DPP6: variants seen among roughly 807,000 people sequenced by gnomAD.
The protein encoded by DPP6 is dipeptidyl peptidase like 6, also known as A-type potassium channel modulatory protein DPP6.
Under a neutral mutation model 122.6 loss-of-function variants are expected in DPP6, and 69 were observed. That is an observed-to-expected ratio of 0.56 (90% CI 0.46 to 0.69). The LOEUF (loss-of-function observed/expected upper bound fraction) is 0.69. DPP6 is among the 30% of genes least tolerant of loss of function. The pLI, the probability that DPP6 is intolerant of heterozygous loss-of-function variation, is 0.00. For missense variants in DPP6, 928 were observed against 1,116.9 expected, an observed-to-expected ratio of 0.83 and a Z score of 2.41; for synonymous variants, 418 against 433.1, an observed-to-expected ratio of 0.97 and a Z score of 0.43.
At chr7:154,062,296 C>CA (rs1191426306) in intron 1 of DPP6, among the ~76,000 whole-genome samples, 2 of 82,084 alleles carry the variant, frequency 2.4e-5, no homozygotes, top group Non-Finnish European at 4.9e-5. Context: ...CCCTCTTCCC[C>CA]CCCGGCTCTG....
At chr7:154,360,841 TG>T in intron 1 of DPP6, among the ~76,000 whole-genome samples, 1 of 152,364 alleles carries the variant, frequency 6.6e-6, no homozygotes, top group South Asian at 2.1e-4. Flanking sequence ...TGGCCTGCTC[TG>T]GCCCTGCCTT....
chr7:154,126,987 T>A (rs1807939790), intron 1 of DPP6, among the ~76,000 whole-genome samples: 1 of 152,188 alleles, frequency 6.6e-6, no homozygotes, highest in Non-Finnish European at 1.5e-5. Context: ...CCCTTCCAGC[T>A]CCTTGGGGGA....
chr7:154,278,516 T>A (rs888821861), intron 1 of DPP6, among the ~76,000 whole-genome samples: 2 of 152,228 alleles, frequency 1.3e-5, no homozygotes, highest in Non-Finnish European at 2.9e-5. Context: ...TATCATGAAT[T>A]GAGCATGTGG....
At chr7:153,924,361 C>A (rs756375075) in intron 1 of DPP6, among the ~76,000 whole-genome samples, 1 of 152,146 alleles carries the variant, frequency 6.6e-6, no homozygotes, top group South Asian at 2.1e-4. Context: ...CCTGCCTCAG[C>A]CTCCCCAAAG....
intron 16 of DPP6, among the ~76,000 whole-genome samples, chr7:154,847,537 T>G (rs1350319631): frequency 6.6e-6 from 1 of 152,222 alleles, no homozygotes; most frequent in African/African-American, 2.4e-5. Flanking sequence ...CTTTCATTTT[T>G]ATTCATCATT....
chr7:154,079,279 G>C (rs1212547582), intron 1 of DPP6, among the ~76,000 whole-genome samples: 1 of 152,172 alleles, frequency 6.6e-6, no homozygotes, highest in African/African-American at 2.4e-5. Context: ...GAGGGTAGAT[G>C]CCCTTAGACT....
intron 16 of DPP6, among the ~76,000 whole-genome samples, chr7:154,827,041 G>C (rs1800209172): frequency 6.6e-6 from 1 of 152,000 alleles, no homozygotes; most frequent in African/African-American, 2.4e-5. Flanking sequence ...TATCATAGTA[G>C]ACATCATCTC....
intron 7 of DPP6, among the ~76,000 whole-genome samples, chr7:154,722,530 A>G (rs1482588102): frequency 6.6e-6 from 1 of 152,258 alleles, no homozygotes; most frequent in African/African-American, 2.4e-5. Flanking sequence ...AAGTAAGCAG[A>G]AAGTTATTTC....
chr7:153,895,469 C>A (rs1799368601), intron 1 of DPP6, among the ~76,000 whole-genome samples: 1 of 152,338 alleles, frequency 6.6e-6, no homozygotes, highest in African/African-American at 2.4e-5. Flanking sequence ...TTAGGACATG[C>A]TTTAGAAGTC....
intron 3 of DPP6, among the ~76,000 whole-genome samples, chr7:154,487,351 C>A (rs1199480306): frequency 6.6e-6 from 1 of 152,144 alleles, no homozygotes; most frequent in Non-Finnish European, 1.5e-5. Flanking sequence ...AAGACCCCGC[C>A]GTACTCAGCC....
chr7:154,781,971 A>C (rs760158545), intron 10 of DPP6, among the ~76,000 whole-genome samples: 1 of 152,260 alleles, frequency 6.6e-6, no homozygotes, highest in Non-Finnish European at 1.5e-5. Flanking sequence ...GCTTCTCACC[A>C]GGAAGAGTCA....
intron 1 of DPP6, among the ~76,000 whole-genome samples, chr7:154,007,451 C>T (rs2533543): frequency 4.0e-4 from 60 of 151,588 alleles, no homozygotes; most frequent in African/African-American, 1.3e-3. Flanking sequence ...AACTCAGGTA[C>T]CTACATTTTA....
chr7:154,365,719 C>T (rs531359139), intron 1 of DPP6, among the ~76,000 whole-genome samples: 243 of 151,662 alleles, frequency 1.6e-3, no homozygotes, highest in Non-Finnish European at 2.9e-3. Context: ...TTTGGGAGGC[C>T]GAGGCGGGCG....
chr7:154,823,488 T>C (rs1026785629), intron 16 of DPP6, among the ~76,000 whole-genome samples: 5 of 152,250 alleles, frequency 3.3e-5, no homozygotes, highest in African/African-American at 9.6e-5. Context: ...ACTTTATATG[T>C]GTCTTCTCTA....
intron 1 of DPP6, among the ~76,000 whole-genome samples, chr7:154,274,434 A>G (rs1425440804): frequency 6.6e-6 from 1 of 152,188 alleles, no homozygotes; most frequent in Non-Finnish European, 1.5e-5. Flanking sequence ...ACATAAAGTC[A>G]GCTGATTCTA....
chr7:154,122,077 A>C (rs1318372476), intron 1 of DPP6, among the ~76,000 whole-genome samples: 1 of 152,250 alleles, frequency 6.6e-6, no homozygotes, highest in Non-Finnish European at 1.5e-5. Context: ...AGAAATTTGC[A>C]TGTAAAGCTA....
At chr7:153,950,032 A>G (rs1197244818) in intron 1 of DPP6, among the ~76,000 whole-genome samples, 1 of 152,150 alleles carries the variant, frequency 6.6e-6, no homozygotes, top group Non-Finnish European at 1.5e-5. Context: ...TAAGAAAGAA[A>G]GGAAACATAT....
At chr7:154,773,065 C>T (rs770038580) in intron 10 of DPP6, 123 bp downstream of exon 10, 167 of 1,278,626 alleles carry the variant, frequency 1.3e-4, no homozygotes, top group Non-Finnish European at 1.6e-4. Flanking sequence ...AAAAAGGTAC[C>T]TTTCCTAAAG....
chr7:154,338,993 T>C lies in DPP6; in HGVS notation c.244-107221T>C, dbSNP rs575654723. 1.0e-3 allele frequency among the ~76,000 whole-genome samples: 154 copies of C among 152,300 alleles called. 1 individual carries two copies. The highest frequency in any genetic ancestry group is 1.7e-3 in the Admixed American group (26 of 15,302). On this transcript the variant is annotated intron_variant, in intron 1 of 25. Transcript: ENST00000377770. ...TCTGTCTCCCCGAGGTTATTCAGCATCTAACGTTGCTATTTAATCTCCAGA... is the reference window on the plus strand; with the variant it reads ...TCTGTCTCCCCGAGGTTATTCAGCACCTAACGTTGCTATTTAATCTCCAGA...
Sources: gnomAD v4.1 joint callset for allele counts (sites outside exome capture counted in the v4.1 genomes callset) on GRCh38, gnomAD v4.1.1 for gene constraint, MANE v1.5 for transcripts, NCBI Gene and HGNC (gene_info 2026-07-23, HGNC 2026-07-21) for gene names.